The following SNX8 variants were observed in gnomAD, a reference collection of about 807,000 sequenced individuals.
SNX8 encodes sorting nexin 8.
In SNX8, 25 loss-of-function variants were observed where a neutral mutation model predicts 51.6. That is an observed-to-expected ratio of 0.48 (90% confidence interval 0.35 to 0.68). The LOEUF (loss-of-function observed/expected upper bound fraction) is 0.68, where lower values mean the gene tolerates loss of function less well. Among genes scored for constraint, SNX8 ranks in the 30% least tolerant of loss-of-function variants. The pLI is 0.00. For missense variants in SNX8, 695 were observed against 624.0 expected, an observed-to-expected ratio of 1.11 and a Z score of -1.21; for synonymous variants, 324 against 277.0, an observed-to-expected ratio of 1.17 and a Z score of -1.68.
At chr7:2,306,533 C>T (rs1279024267) in intron 1 of SNX8, among the ~76,000 whole-genome samples, 2 of 152,128 alleles carry the variant, frequency 1.3e-5, no homozygotes, top group East Asian at 3.9e-4. Context: ...TTTCGAAGCA[C>T]AACTTTATAT....
chr7:2,311,020 A>G (rs926293470), intron 1 of SNX8, among the ~76,000 whole-genome samples: 2 of 152,236 alleles, frequency 1.3e-5, no homozygotes, highest in Non-Finnish European at 2.9e-5. Context: ...TCTTTTTTAA[A>G]GAAAATACAT....
At chr7:2,341,573 G>A (rs1375861601) in intron 1 of SNX8, among the ~76,000 whole-genome samples, 5 of 152,182 alleles carry the variant, frequency 3.3e-5, no homozygotes, top group African/African-American at 4.8e-5. Context: ...TTGGGAGGCC[G>A]AGATGGGAGG....
chr7:2,258,291 A>C (rs1795247316), intron 7 of SNX8, among the ~76,000 whole-genome samples: 1 of 152,068 alleles, frequency 6.6e-6, no homozygotes, highest in Non-Finnish European at 1.5e-5. Context: ...GCTGGATTAC[A>C]GGCGTGAGCC....
intron 1 of SNX8, among the ~76,000 whole-genome samples, chr7:2,334,211 G>A (rs969027416): frequency 1.1e-4 from 17 of 152,070 alleles, no homozygotes; most frequent in Admixed American, 9.8e-4. Context: ...AGACCATCTT[G>A]GCTAACACGG....
intron 1 of SNX8, among the ~76,000 whole-genome samples, chr7:2,335,654 T>C (rs1323512514): frequency 6.7e-6 from 1 of 149,980 alleles, no homozygotes; most frequent in South Asian, 2.1e-4. Context: ...TAGAAAAAAA[T>C]TAGCTGGGCG....
At chr7:2,311,424 C>T (rs1051126720) in intron 1 of SNX8, among the ~76,000 whole-genome samples, 13 of 152,136 alleles carry the variant, frequency 8.5e-5, no homozygotes, top group African/African-American at 9.7e-5. Flanking sequence ...GATTTCGCTA[C>T]GTTGTCCAGG....
intron 1 of SNX8, among the ~76,000 whole-genome samples, chr7:2,290,955 C>T (rs536065197): frequency 1.3e-5 from 2 of 152,336 alleles, no homozygotes; most frequent in African/African-American, 4.8e-5. Context: ...AAGAAGGTTG[C>T]TGTCTTCCTG....
chr7:2,263,075 C>T (rs768046266), intron 7 of SNX8, among the ~76,000 whole-genome samples, 155 bp downstream of exon 7: 7 of 152,376 alleles, frequency 4.6e-5, no homozygotes, highest in Non-Finnish European at 8.8e-5. Context: ...GCCGAGATTG[C>T]GCCTTTGCGC....
upstream of SNX8, among the ~76,000 whole-genome samples, chr7:2,317,715 C>T (rs975105638): frequency 6.6e-6 from 1 of 152,086 alleles, no homozygotes; most frequent in African/African-American, 2.4e-5. Context: ...GCTGCTGGAC[C>T]CTGCCTCGGT....
intron 1 of SNX8, among the ~76,000 whole-genome samples, chr7:2,323,145 T>C (rs919403682): frequency 6.6e-6 from 1 of 151,988 alleles, no homozygotes; most frequent in Non-Finnish European, 1.5e-5. Context: ...GCCCGGCCAA[T>C]ACGGTGAAAC....
rs764004212 is a variant in SNX8 at position 2,255,066 on chromosome 7, C to T, written c.1388G>A (p.Cys463Tyr). The T allele has an allele frequency of 4.5e-6, 7 of 1,567,692 alleles. No individual in the cohort carries two copies. The highest frequency in any genetic ancestry group is 6.1e-6 in the Non-Finnish European group (7 of 1,156,426). The change falls in exon 11 of 11, where the codon TGT becomes TAT. Residue 463 changes from cysteine to tyrosine, a missense_variant. Coordinates refer to ENST00000222990, the MANE Select transcript of SNX8 (RefSeq NM_013321.4). ...CCTCAGCCTCAGGCGCTAGTGAGGA[C>T]ACAGGCCGTCCTCCGGCGGGGAGCA... ...PPCSPPEDGLCPH is the reference protein window; with the variant it reads ...PPCSPPEDGLYPH
intron 1 of SNX8, among the ~76,000 whole-genome samples, chr7:2,303,504 G>A (rs1796463115): frequency 6.6e-6 from 1 of 152,196 alleles, no homozygotes; most frequent in Admixed American, 6.5e-5. Flanking sequence ...CGGTTTTGTG[G>A]AATAGAAGGG....
intron 1 of SNX8, among the ~76,000 whole-genome samples, chr7:2,284,212 G>T (rs577799408): frequency 6.6e-6 from 1 of 151,968 alleles, no homozygotes; most frequent in Admixed American, 6.6e-5. Context: ...TGACAGGCGT[G>T]AGCCACCACA....
At chr7:2,341,159 C>G (rs1194486430) in intron 1 of SNX8, among the ~76,000 whole-genome samples, 1 of 142,452 alleles carries the variant, frequency 7.0e-6, no homozygotes, top group Non-Finnish European at 1.5e-5. Context: ...ACATCCAGAT[C>G]TTCTCTTAAA....
At chr7:2,341,593 G>C (rs1283732587) in intron 1 of SNX8, among the ~76,000 whole-genome samples, 2 of 152,040 alleles carry the variant, frequency 1.3e-5, no homozygotes, top group Non-Finnish European at 1.5e-5. Flanking sequence ...GATTGCTGGA[G>C]CCCAGGAGTT....
At chr7:2,324,496 G>A (rs1310981454) in intron 1 of SNX8, among the ~76,000 whole-genome samples, 2 of 151,822 alleles carry the variant, frequency 1.3e-5, no homozygotes, top group African/African-American at 4.8e-5. Context: ...TCACCATGTT[G>A]CCCAGGGTGG....
intron 1 of SNX8, among the ~76,000 whole-genome samples, chr7:2,287,619 C>T (rs936315349): frequency 6.6e-6 from 1 of 151,806 alleles, no homozygotes; most frequent in Non-Finnish European, 1.5e-5. Context: ...CACATGCTGG[C>T]GGGCACCTAT....
At chr7:2,256,117 C>T (rs1409761724) in intron 10 of SNX8, among the ~76,000 whole-genome samples, 1 of 152,232 alleles carries the variant, frequency 6.6e-6, no homozygotes, top group Non-Finnish European at 1.5e-5. Context: ...CCAACCTGGT[C>T]CCTGAGACCC....
chr7:2,339,244 C>T (rs181276981), intron 1 of SNX8, among the ~76,000 whole-genome samples: 44 of 152,078 alleles, frequency 2.9e-4, no homozygotes, highest in Admixed American at 1.1e-3. Context: ...CTGGCCCTGT[C>T]GCTCAGGCTG....
Sources: gnomAD v4.1 joint callset for allele counts (sites outside exome capture counted in the v4.1 genomes callset) on GRCh38, gnomAD v4.1.1 for gene constraint, MANE v1.5 for transcripts, NCBI Gene and HGNC (gene_info 2026-07-23, HGNC 2026-07-21) for gene names.